DOCK1: variants seen among roughly 807,000 people sequenced by gnomAD.
The protein encoded by DOCK1 is dedicator of cytokinesis protein 1.
DOCK1 carries 138 observed loss-of-function variants against 262.7 expected under a neutral mutation model. That is an observed-to-expected ratio of 0.53 (90% confidence interval 0.46 to 0.61). The LOEUF is 0.61. Ranked by LOEUF, DOCK1 falls within the 20% of genes least tolerant of loss-of-function variation. The pLI is 0.00. For synonymous variants in DOCK1, 866 were observed against 867.4 expected (o/e 1.00, Z 0.03); for missense variants, 1,908 against 2,370.7 (o/e 0.80, Z 4.05).
At chr10:127,290,704 T>G (rs1406621385) in intron 29 of DOCK1, among the ~76,000 whole-genome samples, 1 of 152,238 alleles carries the variant, frequency 6.6e-6, no homozygotes, top group Non-Finnish European at 1.5e-5. Flanking sequence ...GACTGGCTTC[T>G]TTTCCACTCA....
intron 29 of DOCK1, among the ~76,000 whole-genome samples, chr10:127,336,433 T>C (rs1427343368): frequency 6.6e-6 from 1 of 152,148 alleles, no homozygotes; most frequent in Non-Finnish European, 1.5e-5. Context: ...TTATAGGGAA[T>C]CTGAATTACA....
chr10:127,357,295 C>T (rs1182144277), intron 32 of DOCK1, among the ~76,000 whole-genome samples: 1 of 152,158 alleles, frequency 6.6e-6, no homozygotes, highest in African/African-American at 2.4e-5. Context: ...CCTCTGTAGT[C>T]CCTGAGATTG....
intron 23 of DOCK1, among the ~76,000 whole-genome samples, chr10:127,069,765 G>A (rs1165645429): frequency 6.6e-6 from 1 of 152,164 alleles, no homozygotes; most frequent in East Asian, 1.9e-4. Context: ...TTGAGAATCA[G>A]CAACAGGCCA....
At chr10:127,029,626 C>A (rs922302745) in intron 16 of DOCK1, among the ~76,000 whole-genome samples, 1 of 152,204 alleles carries the variant, frequency 6.6e-6, no homozygotes, top group Admixed American at 6.5e-5. Context: ...CCAGAACACA[C>A]AACCCCTACT....
intron 27 of DOCK1, among the ~76,000 whole-genome samples, chr10:127,167,387 C>T (rs926615330): frequency 1.2e-4 from 18 of 152,258 alleles, no homozygotes; most frequent in Admixed American, 9.8e-4. Flanking sequence ...CAGAGACCAA[C>T]TCTAGCATTT....
Position 127,012,262 on chromosome 10 carries a change from G to T in DOCK1, c.1089G>T (p.Lys363Asn), listed in dbSNP as rs1565062700. Residue 363 changes from lysine to asparagine, a missense_variant, in exon 12 of 52, where the codon AAG (lysine) becomes AAT (asparagine). This residue lies in a region of DOCK1 where 57 missense variants were observed against 39.7 expected (regional missense o/e 1.44). Transcript: ENST00000623213. This position sits in a 1 kb window ranked among gnomAD's most constrained non-coding sequence, Gnocchi z 4.0. ...CGTTGGACGACGCCATTCGACACAA[G>T]CCGCTGAACATGTCATCCCGTTTTT... The part of the protein sequence containing the change: ...PLALDDAIRH[K>N]PLNMSSRFSP... 1 of 1,611,914 alleles carries T rather than the reference G, an allele frequency of 6.2e-7. No individual in the cohort carries two copies. Among genetic ancestry groups the T allele is most frequent in the East Asian group, 2.2e-5 (1 of 44,870 alleles).
chr10:127,087,506 T>C lies in DOCK1; in HGVS notation c.2446-18725T>C, dbSNP rs763550743. Among the ~76,000 whole-genome samples, 126 of 152,006 alleles carry C rather than the reference T, an allele frequency of 8.3e-4. 1 individual carries two copies. Among genetic ancestry groups the C allele is most frequent in the Admixed American group, 5.2e-4 (8 of 15,268 alleles). ...GGGTAGAGTGTTGGTCCCCGGAGCC[T>C]TTAGGGTAGATTGTGGTCCTGCGGG... On this transcript the variant is annotated intron_variant, in intron 23 of 51. Coordinates refer to ENST00000623213, the MANE Select transcript of DOCK1 (RefSeq NM_001290223.2).
intron 23 of DOCK1, among the ~76,000 whole-genome samples, chr10:127,102,557 C>T (rs1179216000): frequency 1.3e-5 from 2 of 152,234 alleles, no homozygotes; most frequent in African/African-American, 4.8e-5. Context: ...AGGCTGGACA[C>T]AGTGGCTCAC....
intron 38 of DOCK1, among the ~76,000 whole-genome samples, chr10:127,397,601 CG>C (rs2066973413): frequency 6.6e-6 from 1 of 150,700 alleles, no homozygotes; most frequent in African/African-American, 2.4e-5. Context: ...ATGAGTTACA[CG>C]GGCAGCGTCT....
chr10:127,213,269 A>G (rs751887629), intron 27 of DOCK1, among the ~76,000 whole-genome samples: 3 of 152,240 alleles, frequency 2.0e-5, no homozygotes, highest in Non-Finnish European at 4.4e-5. Flanking sequence ...AGTAAGAAGT[A>G]GGATGCTAGA....
intron 31 of DOCK1, among the ~76,000 whole-genome samples, chr10:127,349,614 C>T (rs1353579511): frequency 1.3e-5 from 2 of 152,166 alleles, no homozygotes; most frequent in Admixed American, 1.3e-4. Context: ...GGCTGGTCTG[C>T]CATAACAGTG....
At chr10:126,999,302 G>T in intron 8 of DOCK1, 52 bp from the exon 9 acceptor site, 1 of 1,414,344 alleles carries the variant, frequency 7.1e-7, no homozygotes, top group South Asian at 1.2e-5. Flanking sequence ...ATGTACATTT[G>T]GTACCCTGTT....
chr10:127,091,559 G>T (rs1325841981), intron 23 of DOCK1, among the ~76,000 whole-genome samples: 3 of 152,194 alleles, frequency 2.0e-5, no homozygotes, highest in Non-Finnish European at 4.4e-5. Context: ...AGGAATCAAA[G>T]CTCATGCTGT....
chr10:127,417,734 C>T (rs760557888), intron 44 of DOCK1, among the ~76,000 whole-genome samples: 19 of 152,122 alleles, frequency 1.2e-4, no homozygotes, highest in Non-Finnish European at 2.6e-4. Flanking sequence ...CACCACCACA[C>T]CTGGCTAATT....
intron 23 of DOCK1, among the ~76,000 whole-genome samples, chr10:127,082,731 G>A (rs913059944): frequency 6.6e-6 from 1 of 152,100 alleles, no homozygotes; most frequent in Non-Finnish European, 1.5e-5. Context: ...CTGTCTGGCT[G>A]GAGGGGAAGG....
At chr10:126,970,584 G>A in intron 1 of DOCK1, 118 bp from the exon 2 acceptor site, 1 of 714,242 alleles carries the variant, frequency 1.4e-6, no homozygotes, top group African/African-American at 1.8e-5. Context: ...GATGATGCAG[G>A]CAGCGACTGA....
chr10:127,363,919 A>G (rs969456279), intron 33 of DOCK1, among the ~76,000 whole-genome samples: 2 of 152,198 alleles, frequency 1.3e-5, no homozygotes, highest in African/African-American at 4.8e-5. Flanking sequence ...TAAGTCTCCA[A>G]TTCAAGCTTG....
intron 1 of DOCK1, among the ~76,000 whole-genome samples, chr10:126,935,786 C>T (rs2034522267): frequency 6.6e-6 from 1 of 152,232 alleles, no homozygotes; most frequent in African/African-American, 2.4e-5. Context: ...GGGCCATCTC[C>T]ACCATCTAAC....
intron 21 of DOCK1, among the ~76,000 whole-genome samples, chr10:127,044,086 A>G (rs1420235337): frequency 6.6e-6 from 1 of 152,212 alleles, no homozygotes; most frequent in Non-Finnish European, 1.5e-5. Flanking sequence ...ATAAAGATTT[A>G]CATAATTTCT....
Sources: allele counts gnomAD v4.1 joint callset (sites outside exome capture counted in the v4.1 genomes callset), GRCh38; gene constraint gnomAD v4.1.1; regional missense constraint gnomAD v4.1.1; non-coding constraint Gnocchi (gnomAD v3.1); transcripts MANE v1.5; gene names NCBI Gene and HGNC (gene_info 2026-07-23, HGNC 2026-07-21).